Variants in ELP1 observed in about 807,000 individuals in gnomAD.
The protein encoded by ELP1 is elongator complex protein 1.
In ELP1, 131 loss-of-function variants were observed where a neutral mutation model predicts 183.2. The observed-to-expected ratio is 0.72, with a 90% CI of 0.62 to 0.83. The LOEUF (loss-of-function observed/expected upper bound fraction) is 0.83, where lower values mean the gene tolerates loss of function less well. ELP1 is among the 40% of genes least tolerant of loss of function. The pLI is 0.00. For missense variants in ELP1, 1,550 were observed against 1,594.9 expected (o/e 0.97, Z 0.48); for synonymous variants, 555 against 569.0 (o/e 0.98, Z 0.35).
intron 29 of ELP1, among the ~76,000 whole-genome samples, chr9:108,882,793 A>G (rs1283102581): frequency 2.6e-5 from 4 of 151,900 alleles, no homozygotes; most frequent in African/African-American, 7.3e-5. Context: ...GGGTCTCACT[A>G]TGTTGTCCAG....
At position 108,918,907 on chromosome 9, in the gene ELP1, C is replaced by A. The variant is rs571466270; in HGVS notation, c.650-6G>T. 10 of 1,611,260 alleles carry A rather than the reference C, an allele frequency of 6.2e-6. No homozygotes were observed. Among genetic ancestry groups the A allele is most frequent in the Non-Finnish European group, 8.5e-7 (1 of 1,177,562 alleles). On this transcript the variant is annotated splice_polypyrimidine_tract_variant and splice_region_variant and intron_variant, in intron 7 of 36. Coordinates refer to ENST00000374647, the MANE Select transcript of ELP1 (RefSeq NM_003640.5). ...CACTCTGACCTTCCGAGCCCCTGTG[C>A]GGGAGTGGAGTCAAACACACATACA...
chr9:108,879,226 G>C (rs1405683339), intron 33 of ELP1, among the ~76,000 whole-genome samples: 3 of 152,192 alleles, frequency 2.0e-5, no homozygotes, highest in Non-Finnish European at 4.4e-5. Flanking sequence ...CGTGGGGAAT[G>C]GGAAAACACA....
intron 16 of ELP1, among the ~76,000 whole-genome samples, chr9:108,902,153 T>A (rs1226373213): frequency 1.3e-5 from 2 of 152,214 alleles, no homozygotes; most frequent in Non-Finnish European, 2.9e-5. Flanking sequence ...GTCCCTTGAA[T>A]AAGATGAGCT....
rs777975034 is a variant in ELP1 at position 108,918,887 on chromosome 9, T to C, written c.664A>G (p.Arg222Gly). ...VCPETGARKVRVWNREFALQS... is the reference protein window; with the variant it reads ...VCPETGARKVGVWNREFALQS... ...AAAGCAAACTCTCGGTTCCACACTCTGACCTTCCGAGCCCCTGTGCGGGAG... is the reference window on the plus strand; with the variant it reads ...AAAGCAAACTCTCGGTTCCACACTCCGACCTTCCGAGCCCCTGTGCGGGAG... The change falls in exon 8 of 37, where the codon AGA (arginine) becomes GGA (glycine). Residue 222 changes from arginine (R) to glycine (G), a missense_variant. Arg to Gly is a moderately radical substitution (Grantham distance 125). Transcript: ENST00000374647. 21 of 1,614,080 alleles carry C rather than the reference T, an allele frequency of 1.3e-5. No homozygotes were observed. Among genetic ancestry groups the C allele is most frequent in the Non-Finnish European group, 1.5e-5 (18 of 1,179,928 alleles).
chr9:108,913,426 G>A lies in ELP1; in HGVS notation c.959-932C>T, dbSNP rs187986646. On this transcript the variant is annotated intron_variant, in intron 10 of 36. Coordinates refer to ENST00000374647, the MANE Select transcript of ELP1 (RefSeq NM_003640.5). The stretch of plus-strand genomic sequence containing the variant: ...ACTAAACAGATGACATATAAATTAA[G>A]ACCTTAGTTATATTAGGAATTATAG... 2.0e-5 allele frequency among the ~76,000 whole-genome samples: 3 copies of A among 152,170 alleles called. No homozygotes were observed. The East Asian group carries it at 5.8e-4, about 29-fold the overall frequency.
intron 2 of ELP1, 46 bp downstream of exon 2, chr9:108,930,951 A>G (rs771473188): frequency 1.2e-5 from 20 of 1,600,138 alleles, no homozygotes; most frequent in Middle Eastern, 1.7e-4. Flanking sequence ...AAGAAGAGAA[A>G]TCAAGGGTCA....
At chr9:108,906,003 C>T (rs1829005352) in intron 14 of ELP1, among the ~76,000 whole-genome samples, 10 of 152,072 alleles carry the variant, frequency 6.6e-5, no homozygotes. Context: ...TCAATTATAA[C>T]ATATAACAAT....
rs62575182 is a variant in ELP1 at position 108,910,880 on chromosome 9, T to C, written c.1360+130A>G. On this transcript the variant is annotated intron_variant, in intron 12 of 36. Coordinates refer to ENST00000374647, the MANE Select transcript of ELP1 (RefSeq NM_003640.5). ...AGGCAATTAAATATCATAATGATAA[T>C]GATATCAACTGCAGACTTAAAAATT... 49,169 of 701,130 alleles carry C rather than the reference T, an allele frequency of 0.07. 2,088 individuals are homozygous for C. The highest frequency in any genetic ancestry group is 0.13 in the South Asian group (7,892 of 62,542). The allele number at this position is 701,130 out of a possible 1,614,324, so 43.4% of individuals were successfully genotyped here.
At position 108,869,159 on chromosome 9, in the gene ELP1, T is replaced by C. The variant is rs749365565; in HGVS notation, c.3955A>G (p.Lys1319Glu). Residue 1319 changes from lysine to glutamate, a missense_variant, in exon 37 of 37, where the codon AAG becomes GAG. Coordinates refer to ENST00000374647, the MANE Select transcript of ELP1 (RefSeq NM_003640.5). ...VLDAELFIPP[K>E]INRRTQWKLS... ...TTCCACTGGGTTCTTCTGTTGATCT[T>C]TGGTGGTATAAAAAGCTCAGCATCT... 5 of 1,614,020 alleles carry C rather than the reference T, an allele frequency of 3.1e-6. No homozygotes were observed. In the East Asian group the frequency reaches 6.7e-5, roughly 22 times the overall value.
intron 9 of ELP1, among the ~76,000 whole-genome samples, 168 bp downstream of exon 9, chr9:108,917,379 A>C (rs1448128955): frequency 1.3e-5 from 2 of 152,046 alleles, no homozygotes; most frequent in African/African-American, 4.8e-5. Flanking sequence ...AGGCAGGAGA[A>C]TCACTTGAAC....
rs1361104509 is a variant in ELP1, at chr9:108,902,857, C to T, written c.1836G>A (p.Leu612=). 1 of 1,613,486 alleles carries T rather than the reference C, an allele frequency of 6.2e-7. No homozygotes were observed. Among genetic ancestry groups the T allele is most frequent in the African/African-American group, 1.3e-5 (1 of 74,862 alleles). The change falls in exon 16 of 37, where the codon TTG becomes TTA. Residue 612 remains leucine (L), a synonymous_variant. Transcript: ENST00000374647. The stretch of plus-strand genomic sequence containing the variant: ...CACCTACCTCTTCTCCAATCATGGC[C>T]AATTCGGTCTGGGTGCATGGATAAG... The part of the protein sequence containing the change: ...RFPYPCTQTE[L]AMIGEEECVL...
chr9:108,900,521 T>C (rs933065624), intron 18 of ELP1, 146 bp from the exon 19 acceptor site: 6 of 719,556 alleles, frequency 8.3e-6, no homozygotes, highest in Admixed American at 8.0e-5. Context: ...CTCAAGACTA[T>C]CAGCCCTGCT....
chr9:108,870,337 T>C (rs201656060), intron 36 of ELP1, among the ~76,000 whole-genome samples: 2 of 152,224 alleles, frequency 1.3e-5, no homozygotes, highest in East Asian at 3.8e-4. Context: ...ATTGGCAGCA[T>C]AAAAAGTCAG....
intron 3 of ELP1, among the ~76,000 whole-genome samples, 164 bp downstream of exon 3, chr9:108,929,601 TATAG>T (rs1264322236): frequency 3.3e-5 from 5 of 152,222 alleles, no homozygotes; most frequent in African/African-American, 1.2e-4. Flanking sequence ...AATCTTAACA[TATAG>T]ATAAAGCCAT....
chr9:108,928,427 T>G, intron 3 of ELP1, among the ~76,000 whole-genome samples: 1 of 151,886 alleles, frequency 6.6e-6, no homozygotes, highest in Non-Finnish European at 1.5e-5. Context: ...CCAGAAAAAG[T>G]TTTTCTGACG....
chr9:108,888,495 T>G (rs763024904), intron 29 of ELP1, among the ~76,000 whole-genome samples: 1 of 152,214 alleles, frequency 6.6e-6, no homozygotes, highest in African/African-American at 2.4e-5. Context: ...GAAAAAAAGA[T>G]AATGACATCT....
At chr9:108,869,516 A>T (rs1408348940) in intron 36 of ELP1, among the ~76,000 whole-genome samples, 1 of 152,180 alleles carries the variant, frequency 6.6e-6, no homozygotes, top group Non-Finnish European at 1.5e-5. Flanking sequence ...CAAATTGTAC[A>T]CCTGAAATCT....
chr9:108,928,543 A>T (rs752184737), intron 3 of ELP1, among the ~76,000 whole-genome samples: 1 of 152,184 alleles, frequency 6.6e-6, no homozygotes, highest in Non-Finnish European at 1.5e-5. Flanking sequence ...GCTGCAACTA[A>T]AACATAAGGT....
Position 108,906,412 on chromosome 9 carries a change from C to A in ELP1, c.1534G>T (p.Asp512Tyr). 2 of 1,614,100 alleles carry A rather than the reference C, an allele frequency of 1.2e-6. No individual in the cohort carries two copies. Among genetic ancestry groups the A allele is most frequent in the South Asian group, 1.1e-5 (1 of 91,082 alleles). Residue 512 changes from aspartate to tyrosine, a missense_variant, in exon 14 of 37, where the codon GAC (aspartate) becomes TAC (tyrosine). Transcript: ENST00000374647. ...CTGTGGCTTACAGCCAGGAAGACGT[C>A]TTCTTCAATCCAAGTGAGAAGGCCT... ...KLGLLTWIEEDVFLAVSHSEF... is the reference protein window; with the variant it reads ...KLGLLTWIEEYVFLAVSHSEF...
Sources: allele counts gnomAD v4.1 joint callset (sites outside exome capture counted in the v4.1 genomes callset), GRCh38; gene constraint gnomAD v4.1.1; transcripts MANE v1.5; gene names NCBI Gene and HGNC (gene_info 2026-07-23, HGNC 2026-07-21).